The following KMT2C variants were observed in gnomAD, a reference collection of about 807,000 sequenced individuals.
The protein encoded by KMT2C is histone-lysine N-methyltransferase 2C.
A neutral mutation model predicts 507.9 loss-of-function variants in KMT2C; 88 were observed. That is an observed-to-expected ratio of 0.17 (90% confidence interval 0.15 to 0.21). KMT2C has a LOEUF of 0.21. Ranked by LOEUF, KMT2C falls within the 10% of genes least tolerant of loss-of-function variation. The probability of loss-of-function intolerance (pLI) is 1.00; values close to 1 mark genes in which losing one functional copy is unlikely to be tolerated. For missense variants in KMT2C, 4,954 were observed against 5,957.8 expected (o/e 0.83, Z 5.55); for synonymous variants, 2,049 against 2,080.8 (o/e 0.98, Z 0.42).
At chr7:152,397,945 G>A (rs145063203) in intron 1 of KMT2C, among the ~76,000 whole-genome samples, 33 of 152,096 alleles carry the variant, frequency 2.2e-4, no homozygotes, top group African/African-American at 4.6e-4. Context: ...AGCAGTAAAC[G>A]CACTAATACA....
At chr7:152,264,589 G>T (rs1360630690) in intron 8 of KMT2C, among the ~76,000 whole-genome samples, 1 of 152,112 alleles carries the variant, frequency 6.6e-6, no homozygotes, top group African/African-American at 2.4e-5. Context: ...ACACATGACT[G>T]ATTTTTTGGC....
chr7:152,275,561 G>T (rs1000271140), intron 6 of KMT2C, among the ~76,000 whole-genome samples: 1 of 151,926 alleles, frequency 6.6e-6, no homozygotes, highest in Non-Finnish European at 1.5e-5. Flanking sequence ...GGCACTCAAG[G>T]GTATTAATGC....
At chr7:152,266,331 G>A (rs1019510984) in intron 7 of KMT2C, among the ~76,000 whole-genome samples, 4 of 151,056 alleles carry the variant, frequency 2.6e-5, no homozygotes, top group Admixed American at 1.3e-4. Context: ...TGTAACCTCC[G>A]CCTCCCAGGT....
At chr7:152,297,055 C>CAGACAGACAGAA (rs1315629061) in intron 6 of KMT2C, among the ~76,000 whole-genome samples, 9 of 84,404 alleles carry the variant, frequency 1.1e-4, no homozygotes, top group African/African-American at 4.9e-4. Flanking sequence ...GAAAGAAAGA[C>CAGACAGACAGAA]AGAGAGAGAG....
rs568747365 is a variant in KMT2C, at chr7:152,331,916, T to C, written c.251-1177A>G. 4.6e-5 allele frequency among the ~76,000 whole-genome samples: 7 copies of C among 152,084 alleles called. No individual in the cohort carries two copies. In the East Asian group the frequency reaches 1.4e-3, roughly 29 times the overall value. On this transcript the variant is annotated intron_variant, in intron 2 of 58. Coordinates refer to ENST00000262189, the MANE Select transcript of KMT2C (RefSeq NM_170606.3). Reference sequence around the variant, plus strand: ...CACCTGCCTCGGCCTCCCAAAATGCTGGAATTACAGGCATGAGCCACTGTG... The same window carrying C: ...CACCTGCCTCGGCCTCCCAAAATGCCGGAATTACAGGCATGAGCCACTGTG...
chr7:152,413,291 T>C (rs1280498826), intron 1 of KMT2C, among the ~76,000 whole-genome samples: 1 of 151,980 alleles, frequency 6.6e-6, no homozygotes. Flanking sequence ...ATTTACGTAT[T>C]TTTTGTAGAG....
At chr7:152,173,799 G>A (rs570439457) in intron 39 of KMT2C, among the ~76,000 whole-genome samples, 3 of 152,174 alleles carry the variant, frequency 2.0e-5, no homozygotes, top group South Asian at 2.1e-4. Flanking sequence ...AAAAATCTTA[G>A]ATAACATGAA....
In KMT2C at chr7:152,230,740, A is replaced by G. The variant is rs141486793; in HGVS notation, c.2770-419T>C. Among the ~76,000 whole-genome samples, 31 of 152,356 alleles carry G rather than the reference A, an allele frequency of 2.0e-4. No homozygotes were observed. In the East Asian group the frequency reaches 5.4e-3, roughly 27 times the overall value. ...CATAAAATACAGCACATAATTACAT[A>G]TTACGTGTTGAAATGGTAATATTTT... On this transcript the variant is annotated intron_variant, in intron 16 of 58. Transcript: ENST00000262189.
intron 23 of KMT2C, among the ~76,000 whole-genome samples, chr7:152,219,655 T>C (rs1180041363): frequency 6.6e-6 from 1 of 152,018 alleles, no homozygotes; most frequent in Admixed American, 6.6e-5. Flanking sequence ...CTGAATCAGT[T>C]GAAAATAAAT....
chr7:152,213,171 T>C (rs2129141581), intron 23 of KMT2C, among the ~76,000 whole-genome samples: 1 of 152,350 alleles, frequency 6.6e-6, no homozygotes, highest in South Asian at 2.1e-4. Context: ...ATGCAATCCC[T>C]ATCAAATTTC....
chr7:152,411,814 C>T (rs1420769519), intron 1 of KMT2C, among the ~76,000 whole-genome samples: 6 of 152,344 alleles, frequency 3.9e-5, no homozygotes, highest in African/African-American at 1.2e-4. Flanking sequence ...GAAACGAACG[C>T]GTTTTAACAT....
At chr7:152,421,036 A>AT (rs1252502151) in intron 1 of KMT2C, among the ~76,000 whole-genome samples, 1 of 151,768 alleles carries the variant, frequency 6.6e-6, no homozygotes, top group African/African-American at 2.4e-5. Context: ...ATAGTTTATA[A>AT]TAAAAAAAAA....
In KMT2C at chr7:152,176,661, T is replaced by A. The variant is rs2093225264; in HGVS notation, c.8792A>T (p.Asp2931Val). The change falls in exon 38 of 59, where the codon GAC becomes GTC. Residue 2931 changes from aspartate to valine, a missense_variant. Asp to Val is a radical substitution (Grantham distance 152, BLOSUM62 -3). Transcript: ENST00000262189. Reference sequence around the variant, plus strand: ...TGGTGGAGACCCCGATGGCCTAATGTCTGAATTATCAGATTTCTCATTAGC... The same window carrying A: ...TGGTGGAGACCCCGATGGCCTAATGACTGAATTATCAGATTTCTCATTAGC... The part of the protein sequence containing the change: ...LLANEKSDNS[D>V]IRPSGSPPPP... 1 of 1,614,106 alleles carries A rather than the reference T, an allele frequency of 6.2e-7. No homozygotes were observed. Among genetic ancestry groups the A allele is most frequent in the Non-Finnish European group, 8.5e-7 (1 of 1,180,054 alleles).
intron 1 of KMT2C, among the ~76,000 whole-genome samples, chr7:152,376,149 C>T (rs961751796): frequency 3.3e-5 from 5 of 152,164 alleles, no homozygotes; most frequent in Non-Finnish European, 7.4e-5. Context: ...GAACCACGCC[C>T]ACATAAGATG....
Position 152,340,205 on chromosome 7 carries a change from C to G in KMT2C, c.251-9466G>C, listed in dbSNP as rs1450090065. Among the ~76,000 whole-genome samples the G allele has an allele frequency of 2.1e-5, 3 of 145,592 alleles. 1 individual carries two copies. Among genetic ancestry groups the G allele is most frequent in the African/African-American group, 7.7e-5 (3 of 39,002 alleles). The stretch of plus-strand genomic sequence containing the variant: ...GATTAACTATGTTGCCCAGGCTGGT[C>G]TCGAACTCCTGGGCTCCAGTTATCC... On this transcript the variant is annotated intron_variant, in intron 2 of 58. Transcript: ENST00000262189.
intron 18 of KMT2C, among the ~76,000 whole-genome samples, chr7:152,228,379 A>G (rs1243192074): frequency 1.3e-5 from 2 of 152,212 alleles, no homozygotes; most frequent in African/African-American, 2.4e-5. Flanking sequence ...CTTATCCACA[A>G]ACAATTGCCT....
intron 2 of KMT2C, among the ~76,000 whole-genome samples, chr7:152,345,433 T>A (rs2097048942): frequency 6.6e-6 from 1 of 152,184 alleles, no homozygotes. Context: ...TACAGTGAGA[T>A]TCTGTCTCTA....
intron 58 of KMT2C, 177 bp from the exon 59 acceptor site, chr7:152,137,101 G>T: frequency 1.7e-6 from 1 of 571,548 alleles, no homozygotes. Context: ...CATTGTGCTT[G>T]CACAGAGGAA....
intron 6 of KMT2C, among the ~76,000 whole-genome samples, chr7:152,301,706 C>T (rs1443788518): frequency 6.6e-6 from 1 of 151,884 alleles, no homozygotes; most frequent in African/African-American, 2.4e-5. Context: ...TAGAAGCAAA[C>T]AACTATAGGG....
Sources: allele counts gnomAD v4.1 joint callset (sites outside exome capture counted in the v4.1 genomes callset), GRCh38; gene constraint gnomAD v4.1.1; transcripts MANE v1.5; gene names NCBI Gene and HGNC (gene_info 2026-07-23, HGNC 2026-07-21).